Variants in ERC1 observed in about 807,000 individuals in gnomAD.
ERC1 encodes the protein ELKS/RAB6-interacting/CAST family member 1.
ERC1 carries 56 observed loss-of-function variants against 132.0 expected under a neutral mutation model. The ratio of observed to expected loss-of-function variants is 0.42; its 90% CI spans 0.34 to 0.53. The LOEUF is 0.53. Among genes scored for constraint, ERC1 ranks in the 20% least tolerant of loss-of-function variants. The pLI is 0.03. For missense variants in ERC1, 1,202 were observed against 1,349.9 expected (o/e 0.89, Z 1.72); for synonymous variants, 478 against 476.1 (o/e 1.00, Z -0.05).
At chr12:1,484,789 T>C (rs1210137502) in intron 18 of ERC1, among the ~76,000 whole-genome samples, 1 of 151,986 alleles carries the variant, frequency 6.6e-6, no homozygotes, top group East Asian at 1.9e-4. Flanking sequence ...ACCATGCTAG[T>C]CAGGCTGGTC....
intron 15 of ERC1, among the ~76,000 whole-genome samples, chr12:1,317,782 A>G (rs889417731): frequency 6.6e-6 from 1 of 152,190 alleles, no homozygotes; most frequent in African/African-American, 2.4e-5. Context: ...CGTCTAAATG[A>G]AAAACCAGCA....
At chr12:1,081,015 A>G (rs1383170158) in intron 2 of ERC1, among the ~76,000 whole-genome samples, 1 of 152,136 alleles carries the variant, frequency 6.6e-6, no homozygotes, top group Non-Finnish European at 1.5e-5. Context: ...ACCCAGAAAG[A>G]TGGTGACATG....
intron 17 of ERC1, among the ~76,000 whole-genome samples, chr12:1,412,045 A>G (rs1392797127): frequency 6.6e-6 from 1 of 152,204 alleles, no homozygotes; most frequent in Non-Finnish European, 1.5e-5. Flanking sequence ...AACACCATGC[A>G]ATTGCAATTA....
intron 15 of ERC1, among the ~76,000 whole-genome samples, chr12:1,331,746 TC>T (rs2082880341): frequency 6.6e-6 from 1 of 152,170 alleles, no homozygotes; most frequent in African/African-American, 2.4e-5. Context: ...GAGTTCTAGC[TC>T]CCCGAGGCTG....
At chr12:1,146,308 GTTTT>G (rs1172108036) in intron 8 of ERC1, among the ~76,000 whole-genome samples, 20 of 31,790 alleles carry the variant, frequency 6.3e-4, no homozygotes, top group African/African-American at 2.0e-3. Flanking sequence ...TATTTTACTG[GTTTT>G]TTTTTTTTTT....
chr12:1,366,395 A>G (rs182464764), intron 15 of ERC1, among the ~76,000 whole-genome samples: 11 of 152,342 alleles, frequency 7.2e-5, no homozygotes, highest in Non-Finnish European at 1.5e-4. Context: ...CATCCAAACT[A>G]TGTAAGTGCT....
chr12:1,160,322 G>A (rs1464271571), intron 8 of ERC1, among the ~76,000 whole-genome samples: 7 of 152,144 alleles, frequency 4.6e-5, no homozygotes, highest in Admixed American at 2.6e-4. Flanking sequence ...AATTCTAAAA[G>A]CTTTTTTTGT....
At chr12:1,308,925 A>G (rs2081082091) in intron 15 of ERC1, among the ~76,000 whole-genome samples, 1 of 152,158 alleles carries the variant, frequency 6.6e-6, no homozygotes, top group Non-Finnish European at 1.5e-5. Context: ...TTAGGTCTTG[A>G]AGGTGGAGTT....
At chr12:1,238,528 G>A (rs751085620) in intron 13 of ERC1, among the ~76,000 whole-genome samples, 33 of 152,096 alleles carry the variant, frequency 2.2e-4, no homozygotes, top group Non-Finnish European at 4.6e-4. Flanking sequence ...TCACAAACTT[G>A]AATTGATGTC....
intron 3 of ERC1, among the ~76,000 whole-genome samples, chr12:1,097,026 C>A (rs1944123208): frequency 6.6e-6 from 1 of 152,148 alleles, no homozygotes; most frequent in Admixed American, 6.5e-5. Flanking sequence ...AGAATTATGT[C>A]TTTGTTTTGT....
intron 7 of ERC1, among the ~76,000 whole-genome samples, chr12:1,133,154 G>A (rs192237498): frequency 0.26 from 11,440 of 43,928 alleles, 544 homozygotes; most frequent in South Asian, 0.5. Context: ...CACCACACCT[G>A]GCCGGTTTTT....
intron 13 of ERC1, 140 bp downstream of exon 13, chr12:1,237,044 T>A (rs1274779775): frequency 1.0e-6 from 1 of 997,334 alleles, no homozygotes; most frequent in Non-Finnish European, 1.5e-6. Context: ...ACCAACTGTT[T>A]AGCAATGAAG....
intron 7 of ERC1, among the ~76,000 whole-genome samples, chr12:1,131,306 C>T (rs1948738054): frequency 6.6e-6 from 1 of 151,920 alleles, no homozygotes; most frequent in Non-Finnish European, 1.5e-5. Flanking sequence ...GGTGTGATCA[C>T]AGAGTTAGAA....
chr12:1,317,339 G>A lies in ERC1; in HGVS notation c.2780+27327G>A, dbSNP rs534044177. Among the ~76,000 whole-genome samples, 30 of 152,156 alleles carry A rather than the reference G, an allele frequency of 2.0e-4. 1 individual carries two copies. In the South Asian group the frequency reaches 5.8e-3, roughly 29 times the overall value. ...AAACACCGCATGTTCTCACTCATAA[G>A]TGGGAGCTGAACCGTGAGAACACAT... On this transcript the variant is annotated intron_variant, in intron 15 of 18. Coordinates refer to ENST00000360905, the MANE Select transcript of ERC1 (RefSeq NM_178040.4).
chr12:1,342,416 A>G (rs1452280964), intron 15 of ERC1, among the ~76,000 whole-genome samples: 3 of 151,558 alleles, frequency 2.0e-5, no homozygotes, highest in African/African-American at 7.3e-5. Context: ...GCAGTGAGCC[A>G]AGATTGCGCC....
At chr12:1,075,724 C>G (rs987296278) in intron 2 of ERC1, among the ~76,000 whole-genome samples, 2 of 150,808 alleles carry the variant, frequency 1.3e-5, no homozygotes, top group African/African-American at 4.9e-5. Flanking sequence ...AAGACTGTCT[C>G]GGGGGAAAAG....
intron 15 of ERC1, among the ~76,000 whole-genome samples, chr12:1,352,680 T>C (rs955693299): frequency 2.0e-5 from 3 of 150,758 alleles, no homozygotes; most frequent in Admixed American, 2.0e-4. Context: ...CAGTTTTCTC[T>C]ACTACACTTG....
At chr12:1,305,852 A>G (rs912273663) in intron 15 of ERC1, among the ~76,000 whole-genome samples, 1 of 152,040 alleles carries the variant, frequency 6.6e-6, no homozygotes, top group African/African-American at 2.4e-5. Context: ...TTTTAGATAT[A>G]TATCTGTTGC....
chr12:1,255,820 T>TC (rs2076775201), intron 13 of ERC1, among the ~76,000 whole-genome samples: 1 of 151,456 alleles, frequency 6.6e-6, no homozygotes, highest in African/African-American at 2.4e-5. Flanking sequence ...TATTTTTTTT[T>TC]AGTAGAGACG....
Sources: gnomAD v4.1 joint callset for allele counts (sites outside exome capture counted in the v4.1 genomes callset) on GRCh38, gnomAD v4.1.1 for gene constraint, MANE v1.5 for transcripts, NCBI Gene and HGNC (gene_info 2026-07-23, HGNC 2026-07-21) for gene names.